The following CNTN4 variants were observed in gnomAD, a reference collection of about 807,000 sequenced individuals.
CNTN4 encodes the protein contactin 4.
Under a neutral mutation model 122.5 loss-of-function variants are expected in CNTN4, and 77 were observed. That is an observed-to-expected ratio of 0.63 (90% CI 0.52 to 0.76). CNTN4 has a LOEUF of 0.76. Ranked by LOEUF, CNTN4 falls within the 30% of genes least tolerant of loss-of-function variation. The pLI, the probability that CNTN4 is intolerant of heterozygous loss-of-function variation, is 0.00. For synonymous variants in CNTN4, 512 were observed against 447.0 expected (o/e 1.15, Z -1.83); for missense variants, 1,256 against 1,259.1 (o/e 1.00, Z 0.04).
intron 2 of CNTN4, among the ~76,000 whole-genome samples, chr3:2,160,512 A>G (rs2149172806): frequency 6.6e-6 from 1 of 152,282 alleles, no homozygotes; most frequent in East Asian, 1.9e-4. Context: ...CATATTGCTC[A>G]CTGTTATTTA....
intron 2 of CNTN4, among the ~76,000 whole-genome samples, chr3:2,102,042 AG>A (rs1195801288): frequency 6.6e-6 from 1 of 152,252 alleles, no homozygotes; most frequent in Non-Finnish European, 1.5e-5. Context: ...ATATGTGGAT[AG>A]AATGAGGTGT....
At chr3:2,580,913 G>A (rs1018601403) in intron 4 of CNTN4, among the ~76,000 whole-genome samples, 4 of 152,158 alleles carry the variant, frequency 2.6e-5, no homozygotes, top group African/African-American at 9.6e-5. Flanking sequence ...GTCCAAGGCA[G>A]CATTTAAATT....
chr3:2,552,240 A>G (rs1419911029), intron 3 of CNTN4, among the ~76,000 whole-genome samples: 1 of 152,198 alleles, frequency 6.6e-6, no homozygotes, highest in Non-Finnish European at 1.5e-5. Context: ...AAACAAGAAC[A>G]TTCAGGTGTT....
chr3:2,502,609 G>A (rs1427067211), intron 3 of CNTN4, among the ~76,000 whole-genome samples: 1 of 152,046 alleles, frequency 6.6e-6, no homozygotes, highest in Non-Finnish European at 1.5e-5. Context: ...CATGTGAACA[G>A]GTGTTCACAC....
chr3:2,855,084 G>A (rs1475623609), intron 7 of CNTN4, among the ~76,000 whole-genome samples: 1 of 152,190 alleles, frequency 6.6e-6, no homozygotes, highest in Non-Finnish European at 1.5e-5. Flanking sequence ...CTAGTTCCCT[G>A]AAATTCTCAG....
chr3:2,875,068 T>C (rs112327233), intron 8 of CNTN4, among the ~76,000 whole-genome samples: 2,717 of 152,206 alleles, frequency 0.018, 87 homozygotes, highest in African/African-American at 0.062. Context: ...CTGCAACCTC[T>C]GCCTCCCAGG....
At chr3:2,893,043 C>G (rs927876526) in intron 10 of CNTN4, among the ~76,000 whole-genome samples, 1 of 152,168 alleles carries the variant, frequency 6.6e-6, no homozygotes, top group African/African-American at 2.4e-5. Flanking sequence ...CTTGCGTTTT[C>G]CATTACCAGT....
chr3:3,026,095 T>G lies in CNTN4; in HGVS notation c.1487-7T>G, dbSNP rs950177331. 1 of 1,612,664 alleles carries G rather than the reference T, an allele frequency of 6.2e-7. No homozygotes were observed. Among genetic ancestry groups the G allele is most frequent in the Non-Finnish European group, 8.5e-7 (1 of 1,178,938 alleles). The stretch of plus-strand genomic sequence containing the variant: ...TTGTTATTGTTTGTTTTGTTTTAAC[T>G]CTCCAGATCCAACAAGGGTAATGGT... On this transcript the variant is annotated splice_polypyrimidine_tract_variant and splice_region_variant and intron_variant, in intron 14 of 24. Transcript: ENST00000418658.
chr3:2,983,213 C>CAAAAAAAAAAAAA, intron 13 of CNTN4, among the ~76,000 whole-genome samples: 1 of 19,016 alleles, frequency 5.3e-5, no homozygotes, highest in Non-Finnish European at 1.0e-4. Flanking sequence ...GACTCCATCT[C>CAAAAAAAAAAAAA]AAAAAAAAAA....
intron 13 of CNTN4, among the ~76,000 whole-genome samples, chr3:2,978,898 C>G (rs1374611788): frequency 6.6e-6 from 1 of 152,210 alleles, no homozygotes; most frequent in East Asian, 1.9e-4. Context: ...TCGCTCACCC[C>G]TTGCAGAGTT....
At chr3:2,260,571 T>TTA (rs1487590880) in intron 2 of CNTN4, among the ~76,000 whole-genome samples, 1 of 152,096 alleles carries the variant, frequency 6.6e-6, no homozygotes, top group East Asian at 1.9e-4. Context: ...CTGTCTCCTA[T>TTA]TATAGTCTTG....
chr3:2,878,085 A>G (rs2093865502), intron 8 of CNTN4, among the ~76,000 whole-genome samples: 1 of 152,164 alleles, frequency 6.6e-6, no homozygotes, highest in Admixed American at 6.5e-5. Context: ...ACAGCAGTGA[A>G]ATGATGCCAT....
chr3:2,361,707 TA>T (rs2045150916), intron 3 of CNTN4, among the ~76,000 whole-genome samples: 1 of 152,180 alleles, frequency 6.6e-6, no homozygotes, highest in Admixed American at 6.5e-5. Flanking sequence ...ATTTTCTACC[TA>T]AAAAAGCTGA....
intron 3 of CNTN4, among the ~76,000 whole-genome samples, chr3:2,435,577 G>A (rs1212631754): frequency 6.6e-6 from 1 of 152,060 alleles, no homozygotes; most frequent in Admixed American, 6.6e-5. Flanking sequence ...TTTCAGCAAG[G>A]CTTCTCAGTT....
chr3:2,369,967 T>C (rs2045572196), intron 3 of CNTN4, among the ~76,000 whole-genome samples: 1 of 152,152 alleles, frequency 6.6e-6, no homozygotes, highest in Non-Finnish European at 1.5e-5. Flanking sequence ...ATTGATACTC[T>C]GTTTTTACCA....
intron 6 of CNTN4, among the ~76,000 whole-genome samples, chr3:2,748,437 A>G (rs1289108757): frequency 6.6e-6 from 1 of 152,080 alleles, no homozygotes; most frequent in Admixed American, 6.5e-5. Flanking sequence ...AATCAGACAT[A>G]ATGATTGTTC....
In CNTN4 at chr3:3,009,467, T is replaced by G. The variant is rs568898312; in HGVS notation, c.1487-16635T>G. ...TTTTTTTTTTGAGATGGAGTCTTGC[T>G]CTGTCGCCCAGGCTGGAGTGCAGTG... On this transcript the variant is annotated intron_variant, in intron 14 of 24. Coordinates refer to ENST00000418658, the MANE Select transcript of CNTN4 (RefSeq NM_175607.3). Among the ~76,000 whole-genome samples the G allele has an allele frequency of 6.1e-4, 93 of 152,016 alleles. 1 individual carries two copies. Among genetic ancestry groups the G allele is most frequent in the African/African-American group, 2.0e-3 (81 of 41,446 alleles).
intron 3 of CNTN4, among the ~76,000 whole-genome samples, chr3:2,360,793 C>A (rs1232890604): frequency 6.6e-6 from 1 of 152,144 alleles, no homozygotes; most frequent in Non-Finnish European, 1.5e-5. Context: ...GATTCAGCTA[C>A]CTTCACCTGG....
intron 2 of CNTN4, among the ~76,000 whole-genome samples, chr3:2,180,440 A>G (rs146131785): frequency 1.3e-5 from 2 of 152,080 alleles, no homozygotes; most frequent in African/African-American, 4.8e-5. Context: ...TTGACCACAG[A>G]TTTTGTCTCA....
Sources: allele counts gnomAD v4.1 joint callset (sites outside exome capture counted in the v4.1 genomes callset), GRCh38; gene constraint gnomAD v4.1.1; transcripts MANE v1.5; gene names NCBI Gene and HGNC (gene_info 2026-07-23, HGNC 2026-07-21).